Variants in ABCG1 observed in about 807,000 individuals in gnomAD.
The protein encoded by ABCG1 is ATP-binding cassette sub-family G member 1.
ABCG1 carries 29 observed loss-of-function variants against 69.2 expected under a neutral mutation model. The observed-to-expected ratio is 0.42, with a 90% CI of 0.31 to 0.57. The LOEUF (loss-of-function observed/expected upper bound fraction) is 0.57, where lower values mean the gene tolerates loss of function less well. ABCG1 is among the 20% of genes least tolerant of loss of function. The pLI is 0.15. For synonymous variants in ABCG1, 370 were observed against 374.8 expected (o/e 0.99, Z 0.15); for missense variants, 718 against 898.1 (o/e 0.80, Z 2.56).
chr21:42,208,272 G>T lies in ABCG1; in HGVS notation c.48+6549G>T, dbSNP rs370799586. Among the ~76,000 whole-genome samples, 24 of 146,378 alleles carry T rather than the reference G, an allele frequency of 1.6e-4. 1 individual carries two copies. In the South Asian group the frequency reaches 4.7e-3, roughly 29 times the overall value. On this transcript the variant is annotated intron_variant, in intron 2 of 15. Transcript: ENST00000398457. ...GCTCATTTGCATTTCCAGGTTTTCAGCTTCTTCAACTCAAACTCTGGGACA... is the reference window on the plus strand; with the variant it reads ...GCTCATTTGCATTTCCAGGTTTTCATCTTCTTCAACTCAAACTCTGGGACA...
At chr21:42,225,073 T>G (rs1471655840) in intron 1 of ABCG1, among the ~76,000 whole-genome samples, 1 of 152,200 alleles carries the variant, frequency 6.6e-6, no homozygotes, top group Admixed American at 6.5e-5. Flanking sequence ...TAAAAAATGT[T>G]AACCATTCCA....
chr21:42,208,570 C>A (rs1484226378), intron 2 of ABCG1, among the ~76,000 whole-genome samples: 1 of 152,140 alleles, frequency 6.6e-6, no homozygotes, highest in African/African-American at 2.4e-5. Context: ...CCGTCTTCAC[C>A]CAATAAATAC....
chr21:42,244,139 T>A (rs1337589211), intron 2 of ABCG1, among the ~76,000 whole-genome samples: 2 of 152,200 alleles, frequency 1.3e-5, no homozygotes, highest in Non-Finnish European at 2.9e-5. Flanking sequence ...TTTAAAAAAA[T>A]GTTTTAAATT....
chr21:42,293,040 CACCACA>C (rs2069105592), intron 13 of ABCG1, among the ~76,000 whole-genome samples: 1 of 137,232 alleles, frequency 7.3e-6, no homozygotes, highest in Non-Finnish European at 1.6e-5. Context: ...ACACACTACA[CACCACA>C]CACACTACAC....
At chr21:42,277,111 C>A (rs1380235037) in intron 5 of ABCG1, among the ~76,000 whole-genome samples, 166 bp downstream of exon 5, 2 of 152,160 alleles carry the variant, frequency 1.3e-5, no homozygotes, top group African/African-American at 4.8e-5. Context: ...CTGTGGCCTG[C>A]AGCAGCCAGA....
intron 2 of ABCG1, among the ~76,000 whole-genome samples, chr21:42,262,646 G>A (rs150744826): frequency 1.3e-5 from 2 of 152,198 alleles, no homozygotes; most frequent in South Asian, 2.1e-4. Context: ...GGAGGGGAAC[G>A]GCTGGGAACC....
intron 8 of ABCG1, among the ~76,000 whole-genome samples, chr21:42,286,705 C>G (rs1035210214): frequency 6.6e-6 from 1 of 152,080 alleles, no homozygotes; most frequent in Admixed American, 6.6e-5. Context: ...AGGTCTGAAG[C>G]CTGCATGGAG....
chr21:42,255,906 A>G (rs2068296307), intron 2 of ABCG1, among the ~76,000 whole-genome samples: 1 of 152,136 alleles, frequency 6.6e-6, no homozygotes, highest in Non-Finnish European at 1.5e-5. Flanking sequence ...GCTATGGTTG[A>G]TAGTGTAGTC....
At chr21:42,263,763 G>A (rs1007231391) in intron 2 of ABCG1, among the ~76,000 whole-genome samples, 2 of 152,194 alleles carry the variant, frequency 1.3e-5, no homozygotes, top group South Asian at 2.1e-4. Flanking sequence ...TGTGGGGAGG[G>A]GCCAGGCGGC....
chr21:42,215,789 G>A (rs921877350), upstream of ABCG1, among the ~76,000 whole-genome samples: 4 of 152,208 alleles, frequency 2.6e-5, no homozygotes, highest in Non-Finnish European at 5.9e-5. Flanking sequence ...GCCTACTCTG[G>A]GGAGTGACTC....
chr21:42,265,099 C>T (rs1034079712), intron 2 of ABCG1, among the ~76,000 whole-genome samples: 12 of 152,162 alleles, frequency 7.9e-5, no homozygotes, highest in African/African-American at 2.9e-4. Context: ...CGAGTGCACA[C>T]AGGGGTTCAT....
At chr21:42,281,266 A>G (rs1402139318) in intron 5 of ABCG1, among the ~76,000 whole-genome samples, 1 of 152,086 alleles carries the variant, frequency 6.6e-6, no homozygotes, top group Non-Finnish European at 1.5e-5. Flanking sequence ...GCCGGCCACC[A>G]CAGGGCTGCC....
chr21:42,244,731 A>G (rs996797628), intron 2 of ABCG1, among the ~76,000 whole-genome samples: 9 of 152,240 alleles, frequency 5.9e-5, no homozygotes, highest in African/African-American at 2.2e-4. Flanking sequence ...CTGACACTCA[A>G]GGACAGGGCT....
Position 42,291,068 on chromosome 21 carries a change from C to G in ABCG1, c.1394-24C>G, listed in dbSNP as rs199632888. 5.9e-5 allele frequency: 94 copies of G among 1,587,762 alleles called. No homozygotes were observed. In the African/African-American group the frequency reaches 9.9e-4, roughly 17 times the overall value. On this transcript the variant is annotated intron_variant, in intron 11 of 14. Coordinates refer to ENST00000398449, the MANE Select transcript of ABCG1 (RefSeq NM_016818.3). This position sits in a 1 kb window ranked among gnomAD's most constrained non-coding sequence, Gnocchi z 6.4. ...TCGCTGCACATGGTCACTGACCCTT[C>G]TTTTTTGCTTTTCTATCTCCTAGTT...
chr21:42,253,500 C>A (rs905521877), intron 2 of ABCG1, among the ~76,000 whole-genome samples: 1 of 152,176 alleles, frequency 6.6e-6, no homozygotes, highest in Non-Finnish European at 1.5e-5. Context: ...CTTCATTTGG[C>A]CAGACCCATC....
rs1215477708 is a variant in ABCG1, at chr21:42,291,659, G to A, written c.1653+3G>A. 2 of 1,597,944 alleles carry A rather than the reference G, an allele frequency of 1.3e-6. No homozygotes were observed. Among genetic ancestry groups the A allele is most frequent in the South Asian group, 1.1e-5 (1 of 90,460 alleles). On this transcript the variant is annotated splice_donor_region_variant and intron_variant, in intron 13 of 14. Coordinates refer to ENST00000398449, the MANE Select transcript of ABCG1 (RefSeq NM_016818.3). This position sits in a 1 kb window ranked among gnomAD's most constrained non-coding sequence, Gnocchi z 6.4. ...GAGCCGCCTCCACGTCCCTGCAGGTGCCAGCCCAGGAGGCGCTAAGTGAGG... is the reference window on the plus strand; with the variant it reads ...GAGCCGCCTCCACGTCCCTGCAGGTACCAGCCCAGGAGGCGCTAAGTGAGG...
At chr21:42,236,730 A>G (rs1318034948) in intron 2 of ABCG1, among the ~76,000 whole-genome samples, 2 of 152,222 alleles carry the variant, frequency 1.3e-5, no homozygotes, top group Non-Finnish European at 2.9e-5. Context: ...ACAGGGGCAC[A>G]CAGGAAACCA....
rs774731367 is a variant in ABCG1 at position 42,276,863 on chromosome 21, T to G, written c.538-32T>G. 2.6e-5 allele frequency: 42 copies of G among 1,613,368 alleles called. No individual in the cohort carries two copies. In the Admixed American group the frequency reaches 6.3e-4, roughly 24 times the overall value. On this transcript the variant is annotated intron_variant, in intron 4 of 14. Transcript: ENST00000398449. This position sits in a 1 kb window ranked among gnomAD's most constrained non-coding sequence, Gnocchi z 5.3. ...TCACACTGCCAGTGGCCGTCTGTTC[T>G]GCTTCCACACTGTTGTCCTTGTCCC...
chr21:42,268,362 G>GGTGTGTGTGTGTGTGTGTGTGTGT (rs1555957893), intron 2 of ABCG1, among the ~76,000 whole-genome samples: 4 of 147,604 alleles, frequency 2.7e-5, no homozygotes, highest in African/African-American at 1.0e-4. Context: ...TAGAGGTAGG[G>GGTGTGTGTGTGTGTGTGTGTGTGT]GTGTGTGTGT....
Sources: gnomAD v4.1 joint callset for allele counts (sites outside exome capture counted in the v4.1 genomes callset) on GRCh38, gnomAD v4.1.1 for gene constraint, Gnocchi (gnomAD v3.1) non-coding constraint, MANE v1.5 for transcripts, NCBI Gene and HGNC (gene_info 2026-07-23, HGNC 2026-07-21) for gene names.